The following MLXIPL variants were observed in gnomAD, a reference collection of about 807,000 sequenced individuals.
MLXIPL encodes the protein carbohydrate-responsive element-binding protein.
Under a neutral mutation model 81.5 loss-of-function variants are expected in MLXIPL, and 49 were observed. The observed-to-expected ratio is 0.60, with a 90% CI of 0.48 to 0.76. MLXIPL has a LOEUF of 0.76. MLXIPL is among the 30% of genes least tolerant of loss of function. MLXIPL has a pLI of 0.00. For missense variants in MLXIPL, 1,053 were observed against 1,167.0 expected, an observed-to-expected ratio of 0.90 and a Z score of 1.42; for synonymous variants, 466 against 485.5, an observed-to-expected ratio of 0.96 and a Z score of 0.53.
chr7:73,605,858 T>C (rs1248676352), intron 6 of MLXIPL, 52 bp downstream of exon 6: 4 of 1,559,290 alleles, frequency 2.6e-6, no homozygotes, highest in Non-Finnish European at 2.6e-6. Flanking sequence ...CTTGGCCTCC[T>C]GGAATCTCAC....
intron 8 of MLXIPL, among the ~76,000 whole-genome samples, chr7:73,599,071 GA>G (rs781997234): frequency 0.041 from 4,926 of 120,454 alleles, 250 homozygotes; most frequent in African/African-American, 0.13. Context: ...CTGTCTCAAA[GA>G]AAAAAAAAAA....
intron 1 of MLXIPL, among the ~76,000 whole-genome samples, chr7:73,620,615 C>T (rs868918627): frequency 4.2e-5 from 6 of 141,600 alleles, no homozygotes; most frequent in South Asian, 2.3e-4. Flanking sequence ...TGGTGGCAGG[C>T]GCCTGTAATC....
rs535187433 is a variant in MLXIPL, at chr7:73,616,844, G to A, written c.294-667C>T. Among the ~76,000 whole-genome samples, 18 of 111,776 alleles carry A rather than the reference G, an allele frequency of 1.6e-4. No individual in the cohort carries two copies. In the South Asian group the frequency reaches 1.8e-3, roughly 11 times the overall value. 73.3% of individuals were successfully genotyped at this position (111,776 alleles called of 152,430 possible). A position where few individuals can be genotyped will look rare whatever the true frequency, so the allele number is the denominator to read the frequency against. Reference sequence around the variant, plus strand: ...GCCTGGGCAACAAGAGTGAAACTCCGTCTCAAAAAAAAAAAAAAAAAAAAA... The same window carrying A: ...GCCTGGGCAACAAGAGTGAAACTCCATCTCAAAAAAAAAAAAAAAAAAAAA... On this transcript the variant is annotated intron_variant, in intron 1 of 16. Transcript: ENST00000313375.
chr7:73,607,935 C>T (rs545063155), intron 2 of MLXIPL, among the ~76,000 whole-genome samples: 1 of 144,020 alleles, frequency 6.9e-6, no homozygotes, highest in East Asian at 2.0e-4. Context: ...TGGCTCACTG[C>T]AACCTCCACC....
chr7:73,593,863 G>A lies in MLXIPL; in HGVS notation c.*2C>T. On this transcript the variant is annotated 3_prime_UTR_variant, in exon 17 of 17. Transcript: ENST00000313375. ...TGAGTGAGCAGCAGGGTCTGGCCAG[G>A]ACTATAAAGGTTTGCCAAGGGTGCC... The A allele has an allele frequency of 6.2e-7, 1 of 1,612,188 alleles. No individual in the cohort carries two copies. The highest frequency in any genetic ancestry group is 8.5e-7 in the Non-Finnish European group (1 of 1,178,316).
At chr7:73,613,590 T>A (rs1795831569) in intron 2 of MLXIPL, among the ~76,000 whole-genome samples, 1 of 151,616 alleles carries the variant, frequency 6.6e-6, no homozygotes, top group Admixed American at 6.6e-5. Context: ...AGAGCAAGAC[T>A]GTTTCAAAAA....
At chr7:73,633,857 T>C in the MLXIPL span, among the ~76,000 whole-genome samples, 1 of 152,122 alleles carries the variant, frequency 6.6e-6, no homozygotes, top group Admixed American at 6.6e-5. Context: ...CTCACCAGCT[T>C]ACATACTCAG....
At chr7:73,638,067 TC>T in the MLXIPL span, among the ~76,000 whole-genome samples, 1 of 152,216 alleles carries the variant, frequency 6.6e-6, no homozygotes, top group Admixed American at 6.6e-5. Flanking sequence ...CAGGGTCTGG[TC>T]TTGTCCCATC....
the MLXIPL span, among the ~76,000 whole-genome samples, chr7:73,639,565 G>T: frequency 6.6e-6 from 1 of 151,236 alleles, no homozygotes; most frequent in Non-Finnish European, 1.5e-5. Context: ...GATCGTCTGA[G>T]CTCAGGAGTT....
chr7:73,616,171 C>T lies in MLXIPL; in HGVS notation c.300G>A (p.Lys100=), dbSNP rs1795997404. The change falls in exon 2 of 17, where the codon AAG becomes AAA. Residue 100 remains lysine (K), a synonymous_variant. Coordinates refer to ENST00000313375, the MANE Select transcript of MLXIPL (RefSeq NM_032951.3). ...FECLSLAYSG[K]LVSPKWKNFK... is the part of the protein sequence containing the mutation. ...AATTCTTCCACTTGGGAGACACCAG[C>T]TTGCCACTGTCAAAGGGGAGAGGAG... 6.2e-7 allele frequency: 1 copy of T among 1,613,630 alleles called. No homozygotes were observed. Among genetic ancestry groups the T allele is most frequent in the African/African-American group, 1.3e-5 (1 of 74,916 alleles).
chr7:73,630,055 T>C, the MLXIPL span, among the ~76,000 whole-genome samples: 3 of 151,680 alleles, frequency 2.0e-5, no homozygotes, highest in Non-Finnish European at 4.4e-5. Context: ...AGGAGTGCAG[T>C]GGCACGATCT....
upstream of MLXIPL, among the ~76,000 whole-genome samples, chr7:73,629,034 G>A (rs1477041069): frequency 6.6e-6 from 1 of 150,996 alleles, no homozygotes. Flanking sequence ...CACCACCCTT[G>A]TTCTTTTCTT....
At chr7:73,637,175 GA>G in the MLXIPL span, among the ~76,000 whole-genome samples, 411 of 151,872 alleles carry the variant, frequency 2.7e-3, 2 homozygotes, top group African/African-American at 9.4e-3. Context: ...TATGTAGATT[GA>G]AAATAAAAAA....
chr7:73,595,760 G>C lies in MLXIPL; in HGVS notation c.2187C>G (p.Asn729Lys). 6.3e-7 allele frequency: 1 copy of C among 1,593,044 alleles called. No homozygotes were observed. Among genetic ancestry groups the C allele is most frequent in the Non-Finnish European group, 8.5e-7 (1 of 1,169,620 alleles). Residue 729 changes from asparagine (N) to lysine (K), a missense_variant and splice_region_variant, in exon 15 of 17, where the codon AAC becomes AAG. Transcript: ENST00000313375. ...TGGCGGGCAGCTGCTGCTGGCACAGGCTGGGGGCAGGGCAGGGGTCAGGGG... is the reference window on the plus strand; with the variant it reads ...TGGCGGGCAGCTGCTGCTGGCACAGCCTGGGGGCAGGGCAGGGGTCAGGGG... ...DEIEELNAAI[N>K]LCQQQLPATG...
At chr7:73,602,097 T>TGCC (rs1794883404) in intron 7 of MLXIPL, among the ~76,000 whole-genome samples, 7 of 142,766 alleles carry the variant, frequency 4.9e-5, no homozygotes, top group South Asian at 2.3e-4. Context: ...CCTGCCTGCC[T>TGCC]TCCTGCCTGC....
intron 4 of MLXIPL, 60 bp downstream of exon 4, chr7:73,607,271 G>GCGGTAGC (rs1554598500): frequency 6.7e-7 from 1 of 1,491,988 alleles, no homozygotes; most frequent in South Asian, 1.2e-5. Context: ...TCCGAGGCGG[G>GCGGTAGC]CGGTAGCCGG....
intron 4 of MLXIPL, 141 bp downstream of exon 4, chr7:73,607,190 G>T: frequency 8.0e-7 from 1 of 1,248,618 alleles, no homozygotes; most frequent in Non-Finnish European, 1.1e-6. Flanking sequence ...CGGTGGCGCT[G>T]TCGGCCCGGG....
chr7:73,607,602 G>A lies in MLXIPL; in HGVS notation c.471C>T (p.His157=). ...TPLQGPEADA[H]RKPEAVVLEG... ...AGAACCCAGCTACCTCCGGCTTCCG[G>A]TGCGCATCAGCCTCAGGCCCCTGCA... Residue 157 remains histidine (H), a synonymous_variant, in exon 3 of 17, where the codon CAC becomes CAT. Coordinates refer to ENST00000313375, the MANE Select transcript of MLXIPL (RefSeq NM_032951.3). 2.5e-6 allele frequency: 4 copies of A among 1,613,162 alleles called. No homozygotes were observed. The highest frequency in any genetic ancestry group is 2.5e-6 in the Non-Finnish European group (3 of 1,180,006).
In MLXIPL at chr7:73,605,714, C is replaced by A. The variant is rs1323535986; in HGVS notation, c.875G>T (p.Ser292Ile). The A allele has an allele frequency of 6.2e-7, 1 of 1,613,696 alleles. No homozygotes were observed. The highest frequency in any genetic ancestry group is 1.3e-5 in the African/African-American group (1 of 74,922). ...IQPDLTPLQP[S>I]LDDFMDISDF... The stretch of plus-strand genomic sequence containing the variant: ...TGAGATGTCCATGAAGTCATCCAGG[C>A]TTGGCTGCAGTGGCGTCAGGTCCGG... The change falls in exon 7 of 17, where the codon AGC becomes ATC. Residue 292 changes from serine (S) to isoleucine (I), a missense_variant. This residue lies in a region of MLXIPL where 823 missense variants were observed against 933.0 expected (regional missense o/e 0.88). Coordinates refer to ENST00000313375, the MANE Select transcript of MLXIPL (RefSeq NM_032951.3).
Sources: allele counts gnomAD v4.1 joint callset (sites outside exome capture counted in the v4.1 genomes callset), GRCh38; gene constraint gnomAD v4.1.1; regional missense constraint gnomAD v4.1.1; transcripts MANE v1.5; gene names NCBI Gene and HGNC (gene_info 2026-07-23, HGNC 2026-07-21).